The following COL5A2 variants were observed in gnomAD, a reference collection of about 807,000 sequenced individuals.
COL5A2 encodes collagen alpha-2(V) chain.
COL5A2 carries 23 observed loss-of-function variants against 208.2 expected under a neutral mutation model. The ratio of observed to expected loss-of-function variants is 0.11; its 90% confidence interval spans 0.08 to 0.16. COL5A2 has a LOEUF of 0.16. COL5A2 is among the 10% of genes least tolerant of loss of function. COL5A2 has a pLI of 1.00. For missense variants in COL5A2, 1,590 were observed against 1,956.4 expected (o/e 0.81, Z 3.53); for synonymous variants, 625 against 628.5 (o/e 0.99, Z 0.08).
At chr2:189,112,909 C>G (rs1458790043) in intron 1 of COL5A2, among the ~76,000 whole-genome samples, 1 of 152,080 alleles carries the variant, frequency 6.6e-6, no homozygotes, top group Non-Finnish European at 1.5e-5. Flanking sequence ...TAAAAATGGG[C>G]TTATGTCTAT....
chr2:189,120,341 C>T (rs1687475773), intron 1 of COL5A2, among the ~76,000 whole-genome samples: 1 of 152,068 alleles, frequency 6.6e-6, no homozygotes. Flanking sequence ...TTTCTCTAAC[C>T]TATATGTATC....
chr2:189,307,033 T>C, the COL5A2 span, among the ~76,000 whole-genome samples: 1 of 152,208 alleles, frequency 6.6e-6, no homozygotes, highest in Admixed American at 6.5e-5. Flanking sequence ...TTGTCTGCCT[T>C]AAAGAAAATA....
chr2:189,279,905 G>T, the COL5A2 span, among the ~76,000 whole-genome samples: 1 of 152,144 alleles, frequency 6.6e-6, no homozygotes, highest in Non-Finnish European at 1.5e-5. Context: ...CTAATCCCCA[G>T]TGTGGTGGTA....
the COL5A2 span, among the ~76,000 whole-genome samples, chr2:189,296,598 T>C: frequency 6.6e-6 from 1 of 152,224 alleles, no homozygotes; most frequent in African/African-American, 2.4e-5. Flanking sequence ...CAGCAAGCAA[T>C]TAAATTATGA....
chr2:189,430,653 G>A, the COL5A2 span, among the ~76,000 whole-genome samples: 2 of 151,204 alleles, frequency 1.3e-5, no homozygotes, highest in African/African-American at 4.9e-5. Flanking sequence ...CCATTGCTGA[G>A]GCTTGAGTAG....
rs532469866 is a variant in COL5A2 at position 189,039,699 on chromosome 2, T to C, written c.3634-136A>G. 8 of 755,100 alleles carry C rather than the reference T, an allele frequency of 1.1e-5. No homozygotes were observed. The East Asian group carries it at 1.9e-4, about 18-fold the overall frequency. The allele number at this position is 755,100 out of a possible 1,614,324, so 46.8% of individuals were successfully genotyped here. A position where few individuals can be genotyped will look rare whatever the true frequency, so the allele number is the denominator to read the frequency against. On this transcript the variant is annotated intron_variant, in intron 50 of 53. Transcript: ENST00000374866. Reference sequence around the variant, plus strand: ...GGGAGATCTATGACTCGCGCCCTTTTGTAACTAGATGGGGGTGGTCTAACA... The same window carrying C: ...GGGAGATCTATGACTCGCGCCCTTTCGTAACTAGATGGGGGTGGTCTAACA...
At chr2:189,048,367 A>G (rs1467616948) in intron 44 of COL5A2, 105 bp from the exon 45 acceptor site, 2 of 975,936 alleles carry the variant, frequency 2.0e-6, no homozygotes, top group Non-Finnish European at 3.2e-6. Context: ...TGTTTTATAA[A>G]CTGTCAGTTA....
chr2:189,280,407 T>G, the COL5A2 span, among the ~76,000 whole-genome samples: 1 of 152,190 alleles, frequency 6.6e-6, no homozygotes, highest in African/African-American at 2.4e-5. Context: ...TAGGTATAGG[T>G]GCTTCTACTT....
intron 1 of COL5A2, among the ~76,000 whole-genome samples, chr2:189,141,073 A>G (rs1687924921): frequency 6.6e-6 from 1 of 152,158 alleles, no homozygotes; most frequent in Non-Finnish European, 1.5e-5. Context: ...CTTTTAATAG[A>G]GATGTGCTTT....
Position 189,065,066 on chromosome 2 carries a change from G to C in COL5A2, c.1564-9C>G. 6.2e-7 allele frequency: 1 copy of C among 1,613,138 alleles called. No homozygotes were observed. Among genetic ancestry groups the C allele is most frequent in the Non-Finnish European group, 8.5e-7 (1 of 1,179,520 alleles). On this transcript the variant is annotated splice_polypyrimidine_tract_variant and intron_variant, in intron 23 of 53. Transcript: ENST00000374866. Reference sequence around the variant, plus strand: ...CGATTGCCAGGAGCACCCTACAAATGACCAAAATGTGATTCTTAATTGTTG... The same window carrying C: ...CGATTGCCAGGAGCACCCTACAAATCACCAAAATGTGATTCTTAATTGTTG...
At chr2:189,305,383 G>A in the COL5A2 span, among the ~76,000 whole-genome samples, 1 of 152,192 alleles carries the variant, frequency 6.6e-6, no homozygotes, top group South Asian at 2.1e-4. Context: ...TTTCATGAGG[G>A]CTTCTCCTTC....
At chr2:189,059,626 C>T (rs944896447) in intron 31 of COL5A2, among the ~76,000 whole-genome samples, 1 of 21,508 alleles carries the variant, frequency 4.6e-5, no homozygotes, top group Non-Finnish European at 1.7e-4. Context: ...CGTTGTCTCG[C>T]TCTATCACCC....
At chr2:189,231,316 T>G in the COL5A2 span, among the ~76,000 whole-genome samples, 1 of 151,108 alleles carries the variant, frequency 6.6e-6, no homozygotes, top group Non-Finnish European at 1.5e-5. Flanking sequence ...TCAAGTTATA[T>G]TTTTTTTGCC....
intron 1 of COL5A2, among the ~76,000 whole-genome samples, chr2:189,203,508 A>C (rs1689105554): frequency 6.6e-6 from 1 of 152,236 alleles, no homozygotes. Context: ...AGTTTACAGA[A>C]CAAAGTGCCA....
the COL5A2 span, among the ~76,000 whole-genome samples, chr2:189,377,657 T>G: frequency 6.6e-6 from 1 of 152,192 alleles, no homozygotes; most frequent in African/African-American, 2.4e-5. Flanking sequence ...GTTTTTACTT[T>G]TTTTGCAGAT....
chr2:189,346,676 T>C, the COL5A2 span, among the ~76,000 whole-genome samples: 2 of 152,284 alleles, frequency 1.3e-5, no homozygotes, highest in South Asian at 2.1e-4. Flanking sequence ...AGAGAGGATT[T>C]AATGGAAGAA....
At position 189,080,978 on chromosome 2, in the gene COL5A2, G is replaced by C. The variant is rs1057521955; in HGVS notation, c.906+12C>G. ...CACAGTATCTGAGAGGATTACAATA[G>C]ATTGAACTTACTCGGTGACCCTTCA... On this transcript the variant is annotated intron_variant, in intron 13 of 53. Coordinates refer to ENST00000374866, the MANE Select transcript of COL5A2 (RefSeq NM_000393.5). The C allele has an allele frequency of 2.5e-6, 4 of 1,610,162 alleles. No individual in the cohort carries two copies. Among genetic ancestry groups the C allele is most frequent in the Non-Finnish European group, 8.5e-7 (1 of 1,176,534 alleles).
the COL5A2 span, among the ~76,000 whole-genome samples, chr2:189,306,741 C>T: frequency 6.6e-6 from 1 of 152,210 alleles, no homozygotes; most frequent in Non-Finnish European, 1.5e-5. Context: ...GACTATTTGA[C>T]AGCCTTACAG....
At chr2:189,045,775 A>G in intron 46 of COL5A2, 25 bp downstream of exon 46, 2 of 1,583,528 alleles carry the variant, frequency 1.3e-6, no homozygotes, top group South Asian at 2.2e-5. Flanking sequence ...CAAAACTGTC[A>G]GTGTGAAATT....
Sources: allele counts gnomAD v4.1 joint callset (sites outside exome capture counted in the v4.1 genomes callset), GRCh38; gene constraint gnomAD v4.1.1; transcripts MANE v1.5; gene names NCBI Gene and HGNC (gene_info 2026-07-23, HGNC 2026-07-21).